Variants in DENND1A observed in about 807,000 individuals in gnomAD.
The protein encoded by DENND1A is DENN domain containing 1A, also known as DENN domain-containing protein 1A.
A neutral mutation model predicts 113.7 loss-of-function variants in DENND1A; 51 were observed. That is an observed-to-expected ratio of 0.45 (90% CI 0.36 to 0.57). The LOEUF (loss-of-function observed/expected upper bound fraction) is 0.57, where lower values mean the gene tolerates loss of function less well. DENND1A is among the 20% of genes least tolerant of loss of function. DENND1A has a pLI of 0.00. For missense variants in DENND1A, 1,258 were observed against 1,395.9 expected, an observed-to-expected ratio of 0.90 and a Z score of 1.57; for synonymous variants, 565 against 570.8, an observed-to-expected ratio of 0.99 and a Z score of 0.14.
chr9:123,413,577 C>G (rs2044479839), intron 19 of DENND1A: 1 of 985,404 alleles, frequency 1.0e-6, no homozygotes, highest in Non-Finnish European at 1.2e-6. Flanking sequence ...TCGGGGCAGC[C>G]TGAGGGGAAA....
chr9:123,886,767 A>C (rs1260145086), intron 1 of DENND1A, among the ~76,000 whole-genome samples: 3 of 152,084 alleles, frequency 2.0e-5, no homozygotes, highest in Non-Finnish European at 4.4e-5. Flanking sequence ...ACAAGTTAAC[A>C]CCTCCATAGG....
At chr9:123,780,467 C>T (rs1590056518) in intron 3 of DENND1A, among the ~76,000 whole-genome samples, 2 of 152,188 alleles carry the variant, frequency 1.3e-5, no homozygotes, top group Admixed American at 6.5e-5. Flanking sequence ...TGAGCACTTA[C>T]TATTGCCATG....
chr9:123,415,902 C>G (rs1447189767), intron 19 of DENND1A, among the ~76,000 whole-genome samples: 1 of 152,076 alleles, frequency 6.6e-6, no homozygotes, highest in East Asian at 1.9e-4. Flanking sequence ...CAGCTGGGGA[C>G]ACAGATGGGG....
Position 123,501,165 on chromosome 9 carries a change from G to A in DENND1A, c.994-43268C>T, listed in dbSNP as rs12238793. On this transcript the variant is annotated intron_variant, in intron 13 of 23. Transcript: ENST00000394215. ...TGTCTGTCTCTATGATTTTGACTAC[G>A]TTCCTCGTACAAGTAGAATCATATA... Among the ~76,000 whole-genome samples, 472 of 152,222 alleles carry A rather than the reference G, an allele frequency of 3.1e-3. 8 individuals are homozygous for A. Among genetic ancestry groups the A allele is most frequent in the East Asian group, 0.029 (152 of 5,184 alleles).
intron 1 of DENND1A, among the ~76,000 whole-genome samples, chr9:123,906,941 T>C (rs1478483602): frequency 1.5e-5 from 2 of 133,422 alleles, no homozygotes; most frequent in African/African-American, 2.7e-5. Flanking sequence ...TTGATGAACA[T>C]TGACGCAAAA....
chr9:123,742,109 G>A (rs1387184035), intron 5 of DENND1A, among the ~76,000 whole-genome samples: 2 of 152,086 alleles, frequency 1.3e-5, no homozygotes, highest in Non-Finnish European at 2.9e-5. Context: ...TTGTCCCCTC[G>A]GCCTCACAGC....
chr9:123,491,187 G>A (rs1391218455), intron 13 of DENND1A, among the ~76,000 whole-genome samples: 1 of 152,200 alleles, frequency 6.6e-6, no homozygotes, highest in East Asian at 1.9e-4. Context: ...TGGCATTTGG[G>A]CCCTTTTTAG....
intron 11 of DENND1A, among the ~76,000 whole-genome samples, chr9:123,596,284 G>A (rs898721236): frequency 6.6e-6 from 1 of 152,176 alleles, no homozygotes; most frequent in Non-Finnish European, 1.5e-5. Flanking sequence ...GATGTTTCCT[G>A]TGCGCTATCA....
At chr9:123,635,855 C>G (rs751873917) in intron 9 of DENND1A, among the ~76,000 whole-genome samples, 2 of 152,254 alleles carry the variant, frequency 1.3e-5, no homozygotes, top group Non-Finnish European at 2.9e-5. Context: ...ATACTTGCTC[C>G]GAGTCTTCTG....
intron 13 of DENND1A, among the ~76,000 whole-genome samples, chr9:123,512,448 G>T (rs2053537528): frequency 6.6e-6 from 1 of 152,200 alleles, no homozygotes; most frequent in Non-Finnish European, 1.5e-5. Context: ...CAGGTCTCGG[G>T]CAAGAACAGC....
chr9:123,712,283 T>A (rs2066687139), intron 5 of DENND1A, among the ~76,000 whole-genome samples: 1 of 152,216 alleles, frequency 6.6e-6, no homozygotes, highest in Non-Finnish European at 1.5e-5. Flanking sequence ...AAAACAGAAG[T>A]TTAGACAGGA....
chr9:123,391,149 G>A (rs1054222315), intron 21 of DENND1A, among the ~76,000 whole-genome samples: 1 of 152,230 alleles, frequency 6.6e-6, no homozygotes, highest in African/African-American at 2.4e-5. Flanking sequence ...AGAGGGAACC[G>A]CAGTTTCCAG....
chr9:123,726,545 T>TA (rs900047101), intron 5 of DENND1A, among the ~76,000 whole-genome samples: 1 of 152,076 alleles, frequency 6.6e-6, no homozygotes, highest in African/African-American at 2.4e-5. Context: ...CACAGAGCAT[T>TA]AAAAAATGAA....
intron 1 of DENND1A, among the ~76,000 whole-genome samples, chr9:123,920,708 C>T (rs927977811): frequency 3.2e-4 from 49 of 151,664 alleles, no homozygotes; most frequent in Admixed American, 5.3e-4. Flanking sequence ...TACAGGCATG[C>T]GCCACCATGC....
At chr9:123,674,158 C>T (rs2063903232) in intron 6 of DENND1A, among the ~76,000 whole-genome samples, 2 of 152,154 alleles carry the variant, frequency 1.3e-5, no homozygotes, top group African/African-American at 4.8e-5. Flanking sequence ...CACCCTGAGG[C>T]AGGCTGCTCC....
intron 15 of DENND1A, 25 bp downstream of exon 15, chr9:123,457,323 G>T (rs745662348): frequency 3.1e-6 from 5 of 1,587,724 alleles, no homozygotes; most frequent in Admixed American, 1.7e-5. Context: ...CTGCAGCCCC[G>T]GAAGGAAAAT....
intron 1 of DENND1A, among the ~76,000 whole-genome samples, chr9:123,924,762 C>T (rs1465395944): frequency 6.6e-6 from 1 of 152,076 alleles, no homozygotes; most frequent in Non-Finnish European, 1.5e-5. Context: ...CCACAACCTA[C>T]AAGGCCCTGT....
At chr9:123,628,562 C>G (rs974940190) in intron 10 of DENND1A, among the ~76,000 whole-genome samples, 6 of 152,242 alleles carry the variant, frequency 3.9e-5, no homozygotes, top group Non-Finnish European at 2.9e-5. Flanking sequence ...AGGAACAGAG[C>G]AAACGCAAAC....
At chr9:123,720,306 C>T (rs1286557952) in intron 5 of DENND1A, among the ~76,000 whole-genome samples, 1 of 152,116 alleles carries the variant, frequency 6.6e-6, no homozygotes, top group African/African-American at 2.4e-5. Flanking sequence ...AGGCAGCTGC[C>T]TCAGCCAGGG....
Sources: gnomAD v4.1 joint callset for allele counts (sites outside exome capture counted in the v4.1 genomes callset) on GRCh38, gnomAD v4.1.1 for gene constraint, MANE v1.5 for transcripts, NCBI Gene and HGNC (gene_info 2026-07-23, HGNC 2026-07-21) for gene names.